RAB27B: variants seen among roughly 807,000 people sequenced by gnomAD.
RAB27B encodes the protein RAB27B, member RAS oncogene family.
Under a neutral mutation model 24.6 loss-of-function variants are expected in RAB27B, and 15 were observed. The ratio of observed to expected loss-of-function variants is 0.61; its 90% CI spans 0.41 to 0.94. The LOEUF is 0.94. Among genes scored for constraint, RAB27B ranks in the 40% least tolerant of loss-of-function variants. The probability of loss-of-function intolerance (pLI) is 0.00; values close to 1 mark genes in which losing one functional copy is unlikely to be tolerated. For synonymous variants in RAB27B, 105 were observed against 92.5 expected (o/e 1.14, Z -0.78); for missense variants, 261 against 266.8 (o/e 0.98, Z 0.15).
intron 1 of RAB27B, among the ~76,000 whole-genome samples, chr18:54,844,881 G>T (rs962361696): frequency 2.6e-5 from 4 of 152,144 alleles, no homozygotes; most frequent in Non-Finnish European, 5.9e-5. Context: ...ATGTGTGGGT[G>T]TTGCTGTGAA....
chr18:54,808,009 A>G (rs1036288364), intron 2 of RAB27B, among the ~76,000 whole-genome samples: 4 of 152,222 alleles, frequency 2.6e-5, no homozygotes, highest in African/African-American at 9.6e-5. Flanking sequence ...TGCACTAATT[A>G]TGGTGCTAAA....
At chr18:54,800,704 G>A (rs1598913772) in intron 2 of RAB27B, among the ~76,000 whole-genome samples, 1 of 152,008 alleles carries the variant, frequency 6.6e-6, no homozygotes, top group Admixed American at 6.6e-5. Flanking sequence ...TACCTTCCCA[G>A]CCCCAACTCT....
chr18:54,728,430 A>G (rs1483249975), intron 2 of RAB27B, among the ~76,000 whole-genome samples: 1 of 152,228 alleles, frequency 6.6e-6, no homozygotes, highest in East Asian at 1.9e-4. Context: ...GGTAACTGTC[A>G]GTCCAGAATC....
intron 3 of RAB27B, chr18:54,880,452 G>C (rs1014158963): frequency 6.6e-6 from 1 of 152,170 alleles, no homozygotes; most frequent in Non-Finnish European, 1.5e-5. Context: ...ATCCTGCATC[G>C]TGTGTCTTAG....
At chr18:54,842,292 A>G (rs2145202888) in intron 1 of RAB27B, among the ~76,000 whole-genome samples, 1 of 118,590 alleles carries the variant, frequency 8.4e-6, no homozygotes. Flanking sequence ...AGCCTAGATC[A>G]GATAAAACTA....
chr18:54,855,430 TTATATAA>T (rs1321852246), intron 1 of RAB27B, among the ~76,000 whole-genome samples: 1 of 152,190 alleles, frequency 6.6e-6, no homozygotes, highest in African/African-American at 2.4e-5. Context: ...ATTATTTGTA[TTATATAA>T]TATATATCAT....
rs560153323 is a variant in RAB27B at position 54,753,484 on chromosome 18, T to C, written c.-20+35343T>C. Among the ~76,000 whole-genome samples, 45 of 152,324 alleles carry C rather than the reference T, an allele frequency of 3.0e-4. 1 individual carries two copies. Among genetic ancestry groups the C allele is most frequent in the African/African-American group, 1.0e-3 (43 of 41,574 alleles). On this transcript the variant is annotated intron_variant, in intron 2 of 4. Coordinates refer to the RAB27B transcript ENST00000586570. Reference sequence around the variant, plus strand: ...GGGTAAAATCAGATAATACATCTAATGTACCCATCTCAGTGGTAAACAGAT... The same window carrying C: ...GGGTAAAATCAGATAATACATCTAACGTACCCATCTCAGTGGTAAACAGAT...
At chr18:54,867,986 A>G (rs975604029) in intron 1 of RAB27B, among the ~76,000 whole-genome samples, 1 of 152,092 alleles carries the variant, frequency 6.6e-6, no homozygotes, top group Non-Finnish European at 1.5e-5. Context: ...CTCCATCCAA[A>G]TCTCATGTTG....
At chr18:54,888,273 G>T in intron 5 of RAB27B, 155 bp downstream of exon 5, 1 of 760,944 alleles carries the variant, frequency 1.3e-6, no homozygotes, top group Non-Finnish European at 1.9e-6. Flanking sequence ...ATGTATTAAT[G>T]AATTACTTAA....
At chr18:54,880,305 G>A (rs535439428) in intron 3 of RAB27B, 4 of 152,218 alleles carry the variant, frequency 2.6e-5, no homozygotes, top group African/African-American at 7.2e-5. Context: ...CTATTCCATT[G>A]TTAGATGGAA....
At chr18:54,832,349 G>T (rs942405050) in intron 1 of RAB27B, among the ~76,000 whole-genome samples, 1 of 152,214 alleles carries the variant, frequency 6.6e-6, no homozygotes, top group African/African-American at 2.4e-5. Context: ...AAGACACTGG[G>T]TAGACAGAAG....
rs374730692 is a variant in RAB27B at position 54,748,759 on chromosome 18, C to T, written c.-20+30618C>T. On this transcript the variant is annotated intron_variant, in intron 2 of 4. Coordinates refer to the RAB27B transcript ENST00000586570. The stretch of plus-strand genomic sequence containing the variant: ...TATAGGTTCACTGAAAATGAACTGA[C>T]AAAAGACAGATTAATAGATGAAAAA... Among the ~76,000 whole-genome samples the T allele has an allele frequency of 4.6e-5, 7 of 152,060 alleles. No individual in the cohort carries two copies. In the East Asian group the frequency reaches 7.7e-4, roughly 17 times the overall value.
At chr18:54,841,197 G>A (rs1383174588) in intron 1 of RAB27B, among the ~76,000 whole-genome samples, 1 of 140,638 alleles carries the variant, frequency 7.1e-6, no homozygotes, top group Non-Finnish European at 1.5e-5. Flanking sequence ...AAAAATACAG[G>A]TAGTCCTCCC....
chr18:54,786,328 A>T (rs149729778), intron 2 of RAB27B, among the ~76,000 whole-genome samples: 2,951 of 152,286 alleles, frequency 0.019, 100 homozygotes, highest in African/African-American at 0.067. Context: ...ACCTGTTCTT[A>T]CTTTTCTTTC....
At chr18:54,859,254 A>G (rs1195431061) in intron 1 of RAB27B, among the ~76,000 whole-genome samples, 1 of 152,178 alleles carries the variant, frequency 6.6e-6, no homozygotes, top group Non-Finnish European at 1.5e-5. Flanking sequence ...CTTGATGTTT[A>G]TTTTACTTTA....
upstream of RAB27B, among the ~76,000 whole-genome samples, chr18:54,825,345 T>C (rs1598933586): frequency 6.6e-6 from 1 of 152,358 alleles, no homozygotes; most frequent in Non-Finnish European, 1.5e-5. Flanking sequence ...TTAGTGAAAC[T>C]TTCGATCTCC....
At chr18:54,841,174 TGAG>T (rs1911106244) in intron 1 of RAB27B, among the ~76,000 whole-genome samples, 1 of 12,170 alleles carries the variant, frequency 8.2e-5, no homozygotes, top group Non-Finnish European at 3.7e-4. Context: ...GGGGGTTTGG[TGAG>T]AGGGGCGGGA....
chr18:54,739,456 CAAAAAAA>C (rs34119736), intron 2 of RAB27B, among the ~76,000 whole-genome samples: 2 of 94,534 alleles, frequency 2.1e-5, no homozygotes, highest in Admixed American at 1.2e-4. Flanking sequence ...AACTCCATCT[CAAAAAAA>C]AAAAAAAAAA....
chr18:54,835,500 C>T (rs1184805907), intron 1 of RAB27B, among the ~76,000 whole-genome samples: 1 of 151,890 alleles, frequency 6.6e-6, no homozygotes, highest in Admixed American at 6.6e-5. Context: ...CAAATACTGC[C>T]TCTCAAGGTT....
Sources: allele counts gnomAD v4.1 joint callset (sites outside exome capture counted in the v4.1 genomes callset), GRCh38; gene constraint gnomAD v4.1.1; transcripts MANE v1.5; gene names NCBI Gene and HGNC (gene_info 2026-07-23, HGNC 2026-07-21).